ARHGAP32: variants seen among roughly 807,000 people sequenced by gnomAD.
ARHGAP32 encodes the protein rho GTPase-activating protein 32.
ARHGAP32 carries 51 observed loss-of-function variants against 186.5 expected under a neutral mutation model. The ratio of observed to expected loss-of-function variants is 0.27; its 90% CI spans 0.22 to 0.35. The LOEUF is 0.35. Among genes scored for constraint, ARHGAP32 ranks in the 10% least tolerant of loss-of-function variants. ARHGAP32 has a pLI of 1.00. For synonymous variants in ARHGAP32, 950 were observed against 964.3 expected (o/e 0.99, Z 0.27); for missense variants, 2,186 against 2,623.5 (o/e 0.83, Z 3.64).
intron 1 of ARHGAP32, among the ~76,000 whole-genome samples, chr11:129,172,549 A>T (rs1943789918): frequency 6.6e-6 from 1 of 152,190 alleles, no homozygotes; most frequent in Admixed American, 6.5e-5. Context: ...TGGAAGTAAA[A>T]CACTCCTCAA....
chr11:129,169,915 A>G (rs1351959640), intron 1 of ARHGAP32, among the ~76,000 whole-genome samples: 1 of 152,072 alleles, frequency 6.6e-6, no homozygotes, highest in African/African-American at 2.4e-5. Flanking sequence ...TAAAAGGAAC[A>G]CTTCCCAATC....
intron 10 of ARHGAP32, among the ~76,000 whole-genome samples, chr11:129,060,302 CA>C (rs1240490105): frequency 6.6e-6 from 1 of 150,698 alleles, no homozygotes; most frequent in Non-Finnish European, 1.5e-5. Context: ...AACTCAAATC[CA>C]AAAAAAGCAA....
upstream of ARHGAP32, among the ~76,000 whole-genome samples, chr11:129,193,666 TTATATATAA>T (rs1944338875): frequency 1.6e-4 from 9 of 56,452 alleles, no homozygotes; most frequent in Non-Finnish European, 2.3e-4. Flanking sequence ...ACAATATATA[TTATATATAA>T]TATATAATAT....
Position 129,069,487 on chromosome 11 carries a change from A to G in ARHGAP32, c.532-2619T>C, listed in dbSNP as rs575729872. 1.3e-4 allele frequency among the ~76,000 whole-genome samples: 20 copies of G among 152,178 alleles called. No individual in the cohort carries two copies. In the South Asian group the frequency reaches 3.7e-3, roughly 28 times the overall value. ...TTAGCAGAACAAGCAACCAGTCACC[A>G]ATGTTCAACAACTCAAAAGACAAAA... On this transcript the variant is annotated intron_variant, in intron 6 of 22. Coordinates refer to ENST00000682385, the MANE Select transcript of ARHGAP32 (RefSeq NM_001378024.1).
chr11:128,980,850 A>G (rs1479169584), intron 17 of ARHGAP32, 102 bp from the exon 18 acceptor site: 16 of 927,782 alleles, frequency 1.7e-5, no homozygotes, highest in Non-Finnish European at 2.5e-5. Context: ...GTTGTTTCAA[A>G]TTTTCTTCAA....
intron 11 of ARHGAP32, among the ~76,000 whole-genome samples, chr11:129,016,199 C>T (rs1411727801): frequency 6.6e-6 from 1 of 152,068 alleles, no homozygotes; most frequent in Non-Finnish European, 1.5e-5. Context: ...CTGATCATAT[C>T]CTTGCCCATT....
chr11:129,089,596 G>C (rs1439631761), intron 6 of ARHGAP32, among the ~76,000 whole-genome samples: 2 of 152,192 alleles, frequency 1.3e-5, no homozygotes, highest in Non-Finnish European at 2.9e-5. Context: ...ATGTAGAAGA[G>C]GCAGGGATAC....
chr11:129,210,032 T>C (rs1185049849), intron 1 of ARHGAP32, among the ~76,000 whole-genome samples: 2 of 152,208 alleles, frequency 1.3e-5, no homozygotes, highest in African/African-American at 2.4e-5. Flanking sequence ...GTAATTCTTA[T>C]GCTGTTATTC....
intron 1 of ARHGAP32, among the ~76,000 whole-genome samples, chr11:129,178,513 G>A (rs11512660): frequency 0.19 from 29,479 of 151,986 alleles, 3,060 homozygotes; most frequent in Non-Finnish European, 0.22. Context: ...GAACAAAGCC[G>A]GAGACATCAC....
intron 1 of ARHGAP32, among the ~76,000 whole-genome samples, chr11:129,200,754 A>G (rs1313357698): frequency 6.6e-6 from 1 of 152,208 alleles, no homozygotes; most frequent in African/African-American, 2.4e-5. Context: ...AACAATGCAT[A>G]TAATGAAACT....
chr11:129,228,918 A>G (rs1944821244), intron 1 of ARHGAP32, among the ~76,000 whole-genome samples: 1 of 152,226 alleles, frequency 6.6e-6, no homozygotes, highest in African/African-American at 2.4e-5. Flanking sequence ...ATTAAATAAT[A>G]CACGTAATTT....
intron 10 of ARHGAP32, among the ~76,000 whole-genome samples, chr11:129,061,876 A>C: frequency 6.6e-6 from 1 of 152,246 alleles, no homozygotes; most frequent in East Asian, 1.9e-4. Context: ...TTCTGTAATT[A>C]AAAGTAAGTT....
At chr11:129,261,056 A>C (rs1321308529) in intron 1 of ARHGAP32, among the ~76,000 whole-genome samples, 1 of 152,144 alleles carries the variant, frequency 6.6e-6, no homozygotes, top group African/African-American at 2.4e-5. Flanking sequence ...ACAGGGTGCT[A>C]AACGCCACAC....
At chr11:128,980,414 C>T (rs372925479) in intron 18 of ARHGAP32, 139 bp downstream of exon 18, 20 of 586,590 alleles carry the variant, frequency 3.4e-5, no homozygotes, top group East Asian at 1.2e-4. Flanking sequence ...CATCCATATT[C>T]GAATAAACAG....
chr11:129,225,258 C>G (rs1944764859), intron 1 of ARHGAP32, among the ~76,000 whole-genome samples: 1 of 152,158 alleles, frequency 6.6e-6, no homozygotes, highest in Non-Finnish European at 1.5e-5. Flanking sequence ...AAAGTTTAGA[C>G]ATATTCCTGA....
intron 1 of ARHGAP32, among the ~76,000 whole-genome samples, chr11:129,173,937 G>C (rs147351142): frequency 1.3e-5 from 2 of 152,188 alleles, no homozygotes; most frequent in Non-Finnish European, 2.9e-5. Context: ...AGAAAGAGGA[G>C]CCAAGATGGC....
At chr11:129,056,816 G>A (rs898164648) in intron 10 of ARHGAP32, among the ~76,000 whole-genome samples, 4 of 152,110 alleles carry the variant, frequency 2.6e-5, no homozygotes, top group Admixed American at 2.0e-4. Flanking sequence ...TTGCAGCAGC[G>A]CTCAAGAGGG....
chr11:128,965,348 C>G lies in ARHGAP32; in HGVS notation c.*3559G>C, dbSNP rs1262609686. On this transcript the variant is annotated 3_prime_UTR_variant, in exon 23 of 23. Transcript: ENST00000682385. The stretch of plus-strand genomic sequence containing the variant: ...GCTTATATGCATTAACAATTTACAC[C>G]AGTTCACAAAAATATTAAGACATAA... The G allele has an allele frequency of 3.3e-5, 5 of 152,008 alleles. No homozygotes were observed. Among genetic ancestry groups the G allele is most frequent in the Admixed American group, 2.6e-4 (4 of 15,264 alleles). The allele number at this position is 152,008 out of a possible 1,614,324, so 9.4% of individuals were successfully genotyped here. A position where few individuals can be genotyped will look rare whatever the true frequency, so the allele number is the denominator to read the frequency against.
chr11:129,136,842 T>C (rs181193545), intron 2 of ARHGAP32, among the ~76,000 whole-genome samples: 21 of 152,170 alleles, frequency 1.4e-4, no homozygotes, highest in Middle Eastern at 3.4e-3. Context: ...GAGTAGTAGA[T>C]TGAAAACATA....
Sources: allele counts gnomAD v4.1 joint callset (sites outside exome capture counted in the v4.1 genomes callset), GRCh38; gene constraint gnomAD v4.1.1; transcripts MANE v1.5; gene names NCBI Gene and HGNC (gene_info 2026-07-23, HGNC 2026-07-21).